The following FLI1 variants were observed in gnomAD, a reference collection of about 807,000 sequenced individuals.
FLI1 encodes Fli-1 proto-oncogene, ETS transcription factor, also known as Friend leukemia integration 1 transcription factor.
FLI1 carries 13 observed loss-of-function variants against 53.1 expected under a neutral mutation model. That is an observed-to-expected ratio of 0.24 (90% CI 0.16 to 0.39). The LOEUF (loss-of-function observed/expected upper bound fraction) is 0.39, where lower values mean the gene tolerates loss of function less well. Ranked by LOEUF, FLI1 falls within the 10% of genes least tolerant of loss-of-function variation. The probability of loss-of-function intolerance (pLI) is 1.00; values close to 1 mark genes in which losing one functional copy is unlikely to be tolerated. For missense variants in FLI1, 424 were observed against 600.5 expected (o/e 0.71, Z 3.07); for synonymous variants, 244 against 236.7 (o/e 1.03, Z -0.28).
intron 1 of FLI1, among the ~76,000 whole-genome samples, chr11:128,728,113 A>G (rs930039128): frequency 2.6e-5 from 4 of 152,242 alleles, no homozygotes; most frequent in African/African-American, 9.6e-5. Flanking sequence ...CTTTAAGAGG[A>G]ATCACAGGGT....
At chr11:128,800,344 C>T (rs377748678) in intron 5 of FLI1, among the ~76,000 whole-genome samples, 1 of 152,130 alleles carries the variant, frequency 6.6e-6, no homozygotes, top group African/African-American at 2.4e-5. Flanking sequence ...TCATTGAGAG[C>T]AAGGTTTTAT....
At chr11:128,776,024 A>T (rs1050712366) in intron 4 of FLI1, among the ~76,000 whole-genome samples, 1 of 152,256 alleles carries the variant, frequency 6.6e-6, no homozygotes, top group Non-Finnish European at 1.5e-5. Flanking sequence ...GGAAAACTTC[A>T]TAGGATAAGA....
In FLI1 at chr11:128,810,296, A is replaced by G. The variant is rs17638412; in HGVS notation, c.830-163A>G. Among the ~76,000 whole-genome samples, 4,446 of 151,980 alleles carry G rather than the reference A, an allele frequency of 0.029. 71 individuals are homozygous for G. The highest frequency in any genetic ancestry group is 0.068 in the Middle Eastern group (20 of 294). On this transcript the variant is annotated intron_variant, in intron 8 of 8. Coordinates refer to ENST00000527786, the MANE Select transcript of FLI1 (RefSeq NM_002017.5). The surrounding 1 kb of genome is among the most constrained non-coding windows in gnomAD (Gnocchi z 6.6). ...CATCTCCAAGGCAAGCAGAAAGGCA[A>G]ATCAACAATGACATAAGAAGGGCTT...
At chr11:128,720,577 A>G (rs1939211340) in intron 1 of FLI1, among the ~76,000 whole-genome samples, 1 of 152,124 alleles carries the variant, frequency 6.6e-6, no homozygotes, top group African/African-American at 2.4e-5. Flanking sequence ...CCCGTCCAAG[A>G]CCGGATTGCA....
chr11:128,689,552 C>A (rs980259146), upstream of FLI1, among the ~76,000 whole-genome samples: 1 of 152,206 alleles, frequency 6.6e-6, no homozygotes, highest in African/African-American at 2.4e-5. Context: ...TGACCCACCC[C>A]TAAGGTGGTC....
intron 1 of FLI1, among the ~76,000 whole-genome samples, chr11:128,732,243 G>A (rs1006483094): frequency 6.6e-6 from 1 of 152,112 alleles, no homozygotes; most frequent in Non-Finnish European, 1.5e-5. Context: ...TTATTCTCCA[G>A]CTATCTTCCC....
chr11:128,703,371 G>A (rs977753218), intron 1 of FLI1, among the ~76,000 whole-genome samples: 1 of 152,154 alleles, frequency 6.6e-6, no homozygotes, highest in African/African-American at 2.4e-5. Flanking sequence ...AGCATTGTTT[G>A]TTACAGCAAA....
At chr11:128,723,027 C>T (rs1434918781) in intron 1 of FLI1, among the ~76,000 whole-genome samples, 2 of 152,136 alleles carry the variant, frequency 1.3e-5, no homozygotes, top group Non-Finnish European at 2.9e-5. Flanking sequence ...GTCTTCCTCA[C>T]TGTGTATCTG....
chr11:128,778,476 C>T (rs1202959930), intron 4 of FLI1, among the ~76,000 whole-genome samples: 43 of 152,180 alleles, frequency 2.8e-4, no homozygotes, highest in Admixed American at 2.8e-3. Context: ...AGATTGAGGA[C>T]AGGTTTTGTG....
At chr11:128,723,100 C>T (rs184493126) in intron 1 of FLI1, among the ~76,000 whole-genome samples, 38 of 152,312 alleles carry the variant, frequency 2.5e-4, no homozygotes, top group African/African-American at 8.9e-4. Context: ...TAATCCCGCT[C>T]TGAAGGCTCC....
chr11:128,746,302 G>C (rs565589992), intron 1 of FLI1, among the ~76,000 whole-genome samples: 5 of 152,098 alleles, frequency 3.3e-5, no homozygotes, highest in Non-Finnish European at 7.4e-5. Context: ...ATTTGTCCTC[G>C]AGAAAAAGAA....
At chr11:128,726,918 GAC>G (rs1351035803) in intron 1 of FLI1, among the ~76,000 whole-genome samples, 1 of 152,064 alleles carries the variant, frequency 6.6e-6, no homozygotes, top group African/African-American at 2.4e-5. Flanking sequence ...GGAGGGGAGG[GAC>G]AACGGCTGGG....
intron 5 of FLI1, among the ~76,000 whole-genome samples, chr11:128,787,453 T>G (rs1009944006): frequency 6.6e-6 from 1 of 152,174 alleles, no homozygotes; most frequent in Non-Finnish European, 1.5e-5. Context: ...CTCAGCATAC[T>G]TGATTCAAGC....
chr11:128,743,820 G>A (rs1940249461), intron 1 of FLI1, among the ~76,000 whole-genome samples: 1 of 152,224 alleles, frequency 6.6e-6, no homozygotes, highest in Non-Finnish European at 1.5e-5. Flanking sequence ...TAAACCCAAT[G>A]AAATGTTTTC....
intron 1 of FLI1, among the ~76,000 whole-genome samples, chr11:128,715,417 G>A (rs962894335): frequency 6.6e-5 from 10 of 152,136 alleles, no homozygotes; most frequent in Non-Finnish European, 8.8e-5. Flanking sequence ...GAAATGAATT[G>A]CATTAAAAAT....
chr11:128,693,967 AG>A (rs2135683547), upstream of FLI1: 2 of 349,168 alleles, frequency 5.7e-6, no homozygotes, highest in South Asian at 1.1e-4. Flanking sequence ...AGAGAGAGAG[AG>A]AGAGAGAGAG....
intron 1 of FLI1, among the ~76,000 whole-genome samples, chr11:128,711,056 G>A (rs973266625): frequency 2.0e-5 from 3 of 152,196 alleles, no homozygotes; most frequent in Non-Finnish European, 2.9e-5. Flanking sequence ...GTTCTGCACT[G>A]TTCACTATGG....
rs549940641 is a variant in FLI1 at position 128,811,671 on chromosome 11, G to C, written c.*683G>C. The C allele has an allele frequency of 1.5e-5, 3 of 205,852 alleles. No individual in the cohort carries two copies. Among genetic ancestry groups the C allele is most frequent in the Non-Finnish European group, 3.0e-5 (3 of 100,580 alleles). The allele number at this position is 205,852 out of a possible 1,614,324, so 12.8% of individuals were successfully genotyped here. ...AATGCAAATACATACATTCCTGAAA[G>C]ACGGGGAATTAAATTACTAATTTTT... On this transcript the variant is annotated 3_prime_UTR_variant, in exon 9 of 9. Transcript: ENST00000527786.
intron 6 of FLI1, chr11:128,805,798 C>T (rs910760933): frequency 7.1e-5 from 13 of 184,106 alleles, no homozygotes; most frequent in Non-Finnish European, 1.5e-4. Flanking sequence ...GAGGCTAAGT[C>T]GTACCAATTT....
Sources: gnomAD v4.1 joint callset for allele counts (sites outside exome capture counted in the v4.1 genomes callset) on GRCh38, gnomAD v4.1.1 for gene constraint, Gnocchi (gnomAD v3.1) non-coding constraint, MANE v1.5 for transcripts, NCBI Gene and HGNC (gene_info 2026-07-23, HGNC 2026-07-21) for gene names.